Variants in SLC25A47 observed in about 807,000 individuals in gnomAD.
SLC25A47 encodes the protein solute carrier family 25 member 47.
A neutral mutation model predicts 29.8 loss-of-function variants in SLC25A47; 30 were observed. The observed-to-expected ratio is 1.01, with a 90% CI of 0.75 to 1.36. The LOEUF is 1.36. SLC25A47 is among the 40% of genes most tolerant of loss of function. The pLI, the probability that SLC25A47 is intolerant of heterozygous loss-of-function variation, is 0.00. For missense variants in SLC25A47, 430 were observed against 441.9 expected (o/e 0.97, Z 0.24); for synonymous variants, 204 against 197.8 (o/e 1.03, Z -0.26).
rs776967494 is a variant in SLC25A47, at chr14:100,327,259, C to T, written c.216C>T (p.Gly72=). 3.1e-6 allele frequency: 5 copies of T among 1,608,150 alleles called. No individual in the cohort carries two copies. In the South Asian group the frequency reaches 3.3e-5, roughly 11 times the overall value. Residue 72 remains glycine (G), a synonymous_variant, in exon 4 of 6, where the codon GGC becomes GGT. Coordinates refer to ENST00000361529, the MANE Select transcript of SLC25A47 (RefSeq NM_207117.4). The stretch of plus-strand genomic sequence containing the variant: ...CCCTGGTATCTTCCGTGTCTTTTGG[C>T]ACCTACCGCCACTGCCTGGCGCACA... ...TVSLVSSVSF[G]TYRHCLAHIC...
At chr14:100,328,277 A>G (rs1484653149) in intron 4 of SLC25A47, among the ~76,000 whole-genome samples, 2 of 152,002 alleles carry the variant, frequency 1.3e-5, no homozygotes, top group Non-Finnish European at 1.5e-5. Flanking sequence ...AAGCCCGGCT[A>G]ATTTTTGTAT....
Position 100,328,785 on chromosome 14 carries a change from G to C in SLC25A47, c.387G>C (p.Ala129=), listed in dbSNP as rs758770017. ...AKVRLQTQTQ[A]QKQQRRLSAS... ...TCCGCTTGCAGACGCAGACACAGGC[G>C]CAGAAGCAGCAGCGGCGGCTTTCGG... The change falls in exon 5 of 6, where the codon GCG becomes GCC. Residue 129 remains alanine (A), a synonymous_variant. Transcript: ENST00000361529. 6.2e-7 allele frequency: 1 copy of C among 1,613,008 alleles called. No homozygotes were observed. Among genetic ancestry groups the C allele is most frequent in the South Asian group, 1.1e-5 (1 of 91,092 alleles).
At chr14:100,324,805 C>T (rs1893308284) in intron 1 of SLC25A47, among the ~76,000 whole-genome samples, 1 of 152,204 alleles carries the variant, frequency 6.6e-6, no homozygotes, top group African/African-American at 2.4e-5. Context: ...AAGGGCTCTG[C>T]TCAACATGTT....
At position 100,329,558 on chromosome 14, in the gene SLC25A47, C is replaced by A; in HGVS notation, c.840C>A (p.Leu280=). ...GPRVLFKGLV[L]NCCRAFPVNM... The stretch of plus-strand genomic sequence containing the variant: ...GGGTCCTTTTCAAGGGGCTGGTACT[C>A]AATTGCTGCCGCGCCTTCCCTGTCA... The change falls in exon 6 of 6, where the codon CTC becomes CTA. Residue 280 remains leucine, a synonymous_variant. Coordinates refer to ENST00000361529, the MANE Select transcript of SLC25A47 (RefSeq NM_207117.4). The A allele has an allele frequency of 6.2e-7, 1 of 1,613,638 alleles. No individual in the cohort carries two copies. Among genetic ancestry groups the A allele is most frequent in the African/African-American group, 1.3e-5 (1 of 75,060 alleles).
chr14:100,329,600 C>T lies in SLC25A47; in HGVS notation c.882C>T (p.Val294=), dbSNP rs141510710. 5.0e-3 allele frequency: 8,079 copies of T among 1,613,616 alleles called. 36 individuals are homozygous for T. Among genetic ancestry groups the T allele is most frequent in the Middle Eastern group, 8.8e-3 (53 of 6,050 alleles). Reference sequence around the variant, plus strand: ...TCCCTGTCAACATGGTGGTCTTCGTCGCCTATGAGGCAGTGCTGAGGCTCG... The same window carrying T: ...TCCCTGTCAACATGGTGGTCTTCGTTGCCTATGAGGCAGTGCTGAGGCTCG... ...RAFPVNMVVF[V]AYEAVLRLAR... Residue 294 remains valine (V), a synonymous_variant, in exon 6 of 6, where the codon GTC becomes GTT. Coordinates refer to ENST00000361529, the MANE Select transcript of SLC25A47 (RefSeq NM_207117.4).
chr14:100,323,802 C>T (rs1281260921), intron 1 of SLC25A47, among the ~76,000 whole-genome samples: 1 of 151,854 alleles, frequency 6.6e-6, no homozygotes, highest in East Asian at 1.9e-4. Context: ...AGGAGAGGAT[C>T]GAGAGGGTGG....
intron 3 of SLC25A47, 99 bp from the exon 4 acceptor site, chr14:100,327,089 G>A: frequency 8.3e-7 from 1 of 1,200,708 alleles, no homozygotes; most frequent in Non-Finnish European, 1.2e-6. Context: ...ACCTTCCCGA[G>A]GTCCGACAGC....
In SLC25A47 at chr14:100,323,405, C is replaced by A. The variant is rs373141788; in HGVS notation, c.-10C>A. 1.7e-5 allele frequency: 27 copies of A among 1,613,802 alleles called. No homozygotes were observed. The Admixed American group carries it at 3.3e-4, about 20-fold the overall frequency. On this transcript the variant is annotated 5_prime_UTR_variant, in exon 1 of 6. Coordinates refer to ENST00000361529, the MANE Select transcript of SLC25A47 (RefSeq NM_207117.4). ...AGGCAGACCCAGGGCCTCCCCGCCACACCTTGTTCATGGATTTTGTCGCTG... is the reference window on the plus strand; with the variant it reads ...AGGCAGACCCAGGGCCTCCCCGCCAAACCTTGTTCATGGATTTTGTCGCTG...
chr14:100,329,501 T>C lies in SLC25A47; in HGVS notation c.783T>C (p.Cys261=). The change falls in exon 6 of 6, where the codon TGT becomes TGC. Residue 261 remains cysteine, a synonymous_variant. Transcript: ENST00000361529. ...GGCGCTACCGGGGTCTCCTGCACTG[T>C]ATGGTGACCAGCGTTCGAGAGGAGG... ...GQRRYRGLLH[C]MVTSVREEGP... 1 of 1,613,372 alleles carries C rather than the reference T, an allele frequency of 6.2e-7. No homozygotes were observed.
In SLC25A47 at chr14:100,327,365, G is replaced by A. The variant is rs74616664; in HGVS notation, c.322G>A (p.Val108Ile). ...ITLSGCASGLVRVFLTSPTEV... is the reference protein window; with the variant it reads ...ITLSGCASGLIRVFLTSPTEV... Reference sequence around the variant, plus strand: ...GCTCTCGGGATGCGCCTCCGGCCTCGTCCGCGTGAGTAGGGGCAGCCAGGG... The same window carrying A: ...GCTCTCGGGATGCGCCTCCGGCCTCATCCGCGTGAGTAGGGGCAGCCAGGG... Residue 108 changes from valine (V) to isoleucine (I), a missense_variant, in exon 4 of 6, where the codon GTC (valine) becomes ATC (isoleucine). Physicochemically the swap from Val to Ile is conservative, Grantham distance 29. Coordinates refer to ENST00000361529, the MANE Select transcript of SLC25A47 (RefSeq NM_207117.4). The A allele has an allele frequency of 0.01, 16,633 of 1,592,064 alleles. 295 individuals are homozygous for A. Among genetic ancestry groups the A allele is most frequent in the African/African-American group, 0.079 (5,885 of 74,932 alleles).
Position 100,330,031 on chromosome 14 carries a change from A to C in SLC25A47, c.*386A>C. On this transcript the variant is annotated 3_prime_UTR_variant, in exon 6 of 6. Transcript: ENST00000361529. ...CAGCCACCCTCTGCCCCATTCCTAG[A>C]CCCTCACCCCCACCACTGTTCCTGT... The C allele has an allele frequency of 1.2e-5, 3 of 241,996 alleles. No individual in the cohort carries two copies. The highest frequency in any genetic ancestry group is 1.0e-4 in the East Asian group (1 of 9,578). The allele number at this position is 241,996 out of a possible 1,614,324, so 15.0% of individuals were successfully genotyped here. A position where few individuals can be genotyped will look rare whatever the true frequency, so the allele number is the denominator to read the frequency against.
chr14:100,326,294 C>A, intron 3 of SLC25A47, 66 bp downstream of exon 3: 1 of 1,465,144 alleles, frequency 6.8e-7, no homozygotes, highest in Non-Finnish European at 9.5e-7. Context: ...CTCCGCTGCC[C>A]AGCAGGTGAT....
Position 100,330,037 on chromosome 14 carries a change from A to T in SLC25A47, c.*392A>T. 4.4e-6 allele frequency: 1 copy of T among 228,418 alleles called. No homozygotes were observed. The highest frequency in any genetic ancestry group is 8.7e-6 in the Non-Finnish European group (1 of 114,824). 14.1% of individuals were successfully genotyped at this position (228,418 alleles called of 1,614,324 possible). ...CCCTCTGCCCCATTCCTAGACCCTC[A>T]CCCCCACCACTGTTCCTGTGTCTTC... On this transcript the variant is annotated 3_prime_UTR_variant, in exon 6 of 6. Transcript: ENST00000361529.
At chr14:100,323,584 G>A (rs1893286150) in intron 1 of SLC25A47, 142 bp downstream of exon 1, 1 of 1,022,928 alleles carries the variant, frequency 9.8e-7, no homozygotes, top group Non-Finnish European at 1.5e-6. Flanking sequence ...GCAGAGAGCA[G>A]GTTCCTGGGA....
At chr14:100,325,502 A>G (rs1893321474) in intron 1 of SLC25A47, among the ~76,000 whole-genome samples, 1 of 152,194 alleles carries the variant, frequency 6.6e-6, no homozygotes, top group African/African-American at 2.4e-5. Flanking sequence ...GCATGTCGGC[A>G]TGTCTTTGGC....
Position 100,324,286 on chromosome 14 carries a change from G to A in SLC25A47, c.28+844G>A, listed in dbSNP as rs117132007. ...GTCGCCTAGGCTGAAATGCACTGGCGTGATCTTGGCTCACTGCAACCTCTG... is the reference window on the plus strand; with the variant it reads ...GTCGCCTAGGCTGAAATGCACTGGCATGATCTTGGCTCACTGCAACCTCTG... On this transcript the variant is annotated intron_variant, in intron 1 of 5. Transcript: ENST00000361529. Among the ~76,000 whole-genome samples, 440 of 152,126 alleles carry A rather than the reference G, an allele frequency of 2.9e-3. 18 individuals are homozygous for A. In the East Asian group the frequency reaches 0.075, roughly 26 times the overall value.
In SLC25A47 at chr14:100,329,685, T is replaced by C. The variant is rs766586453; in HGVS notation, c.*40T>C. 1.2e-5 allele frequency: 19 copies of C among 1,579,148 alleles called. No individual in the cohort carries two copies. In the South Asian group the frequency reaches 2.2e-4, roughly 18 times the overall value. On this transcript the variant is annotated 3_prime_UTR_variant, in exon 6 of 6. Transcript: ENST00000361529. ...CAGCGGCCCACCCACCAGCAGCTGC[T>C]GGAGGTCGTAGTGGCTGGAGGAGGC...
rs377613121 is a variant in SLC25A47 at position 100,327,099 on chromosome 14, CGGAGTGCGGAGCAG to C, written c.145-86_145-73del. 2.8e-4 allele frequency: 367 copies of C among 1,296,942 alleles called. 1 individual carries two copies. The East Asian group carries it at 6.7e-3, about 24-fold the overall frequency. The allele number at this position is 1,296,942 out of a possible 1,614,324, so 80.3% of individuals were successfully genotyped here. The stretch of plus-strand genomic sequence containing the variant: ...GAATGACCTTCCCGAGGTCCGACAG[CGGAGTGCGGAGCAG>C]GGCTGAGTGTGGGCTCCCTCGGGTG... On this transcript the variant is annotated intron_variant, in intron 3 of 5. Transcript: ENST00000361529.
chr14:100,328,641 G>A, intron 4 of SLC25A47, 85 bp from the exon 5 acceptor site: 3 of 1,414,770 alleles, frequency 2.1e-6, no homozygotes, highest in Non-Finnish European at 3.0e-6. Context: ...AGGTCACCGT[G>A]AGCAACATGA....
Sources: allele counts gnomAD v4.1 joint callset (sites outside exome capture counted in the v4.1 genomes callset), GRCh38; gene constraint gnomAD v4.1.1; transcripts MANE v1.5; gene names NCBI Gene and HGNC (gene_info 2026-07-23, HGNC 2026-07-21).